The following SCARB1 variants were observed in gnomAD, a reference collection of about 807,000 sequenced individuals.
The protein encoded by SCARB1 is CD36 and LIMPII analogous 1.
Under a neutral mutation model 57.2 loss-of-function variants are expected in SCARB1, and 30 were observed. The ratio of observed to expected loss-of-function variants is 0.52; its 90% confidence interval spans 0.39 to 0.71. The LOEUF (loss-of-function observed/expected upper bound fraction) is 0.71, where lower values mean the gene tolerates loss of function less well. Among genes scored for constraint, SCARB1 ranks in the 30% least tolerant of loss-of-function variants. The pLI is 0.00. For synonymous variants in SCARB1, 249 were observed against 268.3 expected (o/e 0.93, Z 0.70); for missense variants, 543 against 671.2 (o/e 0.81, Z 2.11).
chr12:124,858,374 G>A (rs12831105), intron 1 of SCARB1, among the ~76,000 whole-genome samples: 47,490 of 151,850 alleles, frequency 0.31, 8,222 homozygotes, highest in Non-Finnish European at 0.4. Context: ...GTTCACAATC[G>A]CGGCCCTTAG....
chr12:124,815,151 G>A lies in SCARB1; in HGVS notation c.285-37C>T, dbSNP rs373504573. On this transcript the variant is annotated intron_variant, in intron 2 of 12. Coordinates refer to ENST00000261693, the MANE Select transcript of SCARB1 (RefSeq NM_005505.5). ...GCCAGTGGGTCAGACGCCCCGCCCC[G>A]CTGCATGGGACGTTTCCCTTCTACT... 45 of 1,608,106 alleles carry A rather than the reference G, an allele frequency of 2.8e-5. 1 individual carries two copies. The South Asian group carries it at 3.6e-4, about 13-fold the overall frequency.
intron 2 of SCARB1, 67 bp from the exon 3 acceptor site, chr12:124,815,181 T>A (rs1950662970): frequency 1.3e-6 from 2 of 1,569,144 alleles, no homozygotes; most frequent in South Asian, 2.2e-5. Flanking sequence ...TCTACTCGCC[T>A]GCAATGCCTG....
rs1950476045 is a variant in SCARB1, at chr12:124,810,315, C to A, written c.727-26G>T. 2 of 1,538,650 alleles carry A rather than the reference C, an allele frequency of 1.3e-6. No individual in the cohort carries two copies. The highest frequency in any genetic ancestry group is 1.8e-6 in the Non-Finnish European group (2 of 1,111,434). The stretch of plus-strand genomic sequence containing the variant: ...CTGGGGGGAAGCATCCAGACTAGAC[C>A]CCTCAGTAGGGCCAAGGCCCCTTAA... On this transcript the variant is annotated intron_variant, in intron 5 of 12. Coordinates refer to ENST00000261693, the MANE Select transcript of SCARB1 (RefSeq NM_005505.5). This position sits in a 1 kb window ranked among gnomAD's most constrained non-coding sequence, Gnocchi z 4.0.
rs576582941 is a variant in SCARB1 at position 124,852,987 on chromosome 12, C to T, written c.126+10608G>A. 5.3e-5 allele frequency among the ~76,000 whole-genome samples: 8 copies of T among 152,088 alleles called. No homozygotes were observed. The South Asian group carries it at 6.2e-4, about 12-fold the overall frequency. ...CGGGGAGGAGGAGGTTGCAGTGAGC[C>T]GAGATGGGGCCATTGCCCTCCAGCT... On this transcript the variant is annotated intron_variant, in intron 1 of 12. Transcript: ENST00000261693.
intron 1 of SCARB1, among the ~76,000 whole-genome samples, chr12:124,859,897 G>T (rs1469656583): frequency 6.6e-6 from 1 of 150,662 alleles, no homozygotes; most frequent in Admixed American, 6.6e-5. Flanking sequence ...TTTTCAATTA[G>T]TAATGTGTTT....
At chr12:124,854,182 T>C (rs575272508) in intron 1 of SCARB1, among the ~76,000 whole-genome samples, 1 of 152,244 alleles carries the variant, frequency 6.6e-6, no homozygotes, top group African/African-American at 2.4e-5. Context: ...GGAACCTGCA[T>C]GATGCACAAA....
chr12:124,834,609 C>T (rs983376761), intron 1 of SCARB1, among the ~76,000 whole-genome samples: 2 of 152,210 alleles, frequency 1.3e-5, no homozygotes, highest in African/African-American at 4.8e-5. Context: ...GGCAGTGGTT[C>T]TTGAAGTGTG....
chr12:124,814,903 G>T lies in SCARB1; in HGVS notation c.426+70C>A. 6.3e-7 allele frequency: 1 copy of T among 1,599,750 alleles called. No individual in the cohort carries two copies. The highest frequency in any genetic ancestry group is 1.1e-5 in the South Asian group (1 of 90,182). On this transcript the variant is annotated intron_variant, in intron 3 of 12. Transcript: ENST00000261693. The surrounding 1 kb of genome is among the most constrained non-coding windows in gnomAD (Gnocchi z 4.7). ...CCTCAGGGACTGCTCTCTGCACAAGGGGCAGGCGGGAGGAGAGACAGGGGA... is the reference window on the plus strand; with the variant it reads ...CCTCAGGGACTGCTCTCTGCACAAGTGGCAGGCGGGAGGAGAGACAGGGGA...
At chr12:124,795,075 C>T (rs1949896079) in intron 9 of SCARB1, 120 bp downstream of exon 9, 5 of 861,346 alleles carry the variant, frequency 5.8e-6, no homozygotes, top group Non-Finnish European at 1.0e-5. Flanking sequence ...CCCAATAGGA[C>T]CCTCTCCCCT....
intron 1 of SCARB1, chr12:124,839,119 A>G: frequency 2.4e-6 from 1 of 411,588 alleles, no homozygotes; most frequent in Non-Finnish European, 4.9e-6. Context: ...CATTAAGGAC[A>G]TTTGCAATGT....
chr12:124,857,143 G>A (rs1270515459), intron 1 of SCARB1, among the ~76,000 whole-genome samples: 3 of 152,244 alleles, frequency 2.0e-5, no homozygotes, highest in South Asian at 2.1e-4. Context: ...AGAGGCCACC[G>A]GGACCAGCTG....
At chr12:124,842,837 C>T (rs534667003) in intron 1 of SCARB1, among the ~76,000 whole-genome samples, 15 of 152,234 alleles carry the variant, frequency 9.9e-5, no homozygotes, top group African/African-American at 3.4e-4. Context: ...GCCCAGGGCT[C>T]GGATGAGGAT....
intron 9 of SCARB1, 61 bp downstream of exon 9, chr12:124,795,134 G>T: frequency 7.3e-7 from 1 of 1,373,300 alleles, no homozygotes; most frequent in South Asian, 1.2e-5. Context: ...GGGACCACTG[G>T]AGCACTGAGC....
In SCARB1 at chr12:124,776,987, G is replaced by A. The variant is rs1462603892; in HGVS notation, c.*1600C>T. On this transcript the variant is annotated 3_prime_UTR_variant, in exon 13 of 13. Transcript: ENST00000261693. ...AGAAGAAAGGAAATACAAGTTTAAG[G>A]GGAAAAGGGCTAACATTTCTGACCA... 6.6e-6 allele frequency: 1 copy of A among 151,786 alleles called. No individual in the cohort carries two copies. Among genetic ancestry groups the A allele is most frequent in the Non-Finnish European group, 1.5e-5 (1 of 67,940 alleles). 9.4% of individuals were successfully genotyped at this position (151,786 alleles called of 1,614,324 possible).
intron 12 of SCARB1, among the ~76,000 whole-genome samples, chr12:124,780,313 C>T (rs1377088145): frequency 2.0e-5 from 3 of 152,208 alleles, no homozygotes; most frequent in African/African-American, 7.2e-5. Context: ...AAGCCCCCTG[C>T]CCTACAGCAG....
intron 7 of SCARB1, among the ~76,000 whole-genome samples, chr12:124,806,349 G>A (rs1234247654): frequency 6.6e-6 from 1 of 152,136 alleles, no homozygotes; most frequent in Non-Finnish European, 1.5e-5. Context: ...GCAACTTGAG[G>A]TGGGGGTGTC....
rs905768566 is a variant in SCARB1 at position 124,807,395 on chromosome 12, A to G, written c.1009+366T>C. Among the ~76,000 whole-genome samples, 2 of 152,046 alleles carry G rather than the reference A, an allele frequency of 1.3e-5. No individual in the cohort carries two copies. The highest frequency in any genetic ancestry group is 4.8e-5 in the African/African-American group (2 of 41,394). On this transcript the variant is annotated intron_variant, in intron 7 of 12. Coordinates refer to ENST00000261693, the MANE Select transcript of SCARB1 (RefSeq NM_005505.5). The surrounding 1 kb of genome is among the most constrained non-coding windows in gnomAD (Gnocchi z 5.3). ...GGAGGAAGGGCCCGGGAGCCAAGAA[A>G]CACAGAGGGGCCTCTGGAAGCCAGA...
chr12:124,841,265 G>A (rs953953539), intron 1 of SCARB1, among the ~76,000 whole-genome samples: 11 of 152,188 alleles, frequency 7.2e-5, no homozygotes, highest in South Asian at 4.1e-4. Flanking sequence ...CCAGCTACGC[G>A]GGAGGCTGAG....
intron 1 of SCARB1, among the ~76,000 whole-genome samples, chr12:124,824,190 A>AAG (rs1555263862): frequency 0.012 from 1,859 of 149,540 alleles, 30 homozygotes; most frequent in Middle Eastern, 0.059. Flanking sequence ...AAAAAAAAAA[A>AAG]AGAGAAAGAA....
Sources: gnomAD v4.1 joint callset for allele counts (sites outside exome capture counted in the v4.1 genomes callset) on GRCh38, gnomAD v4.1.1 for gene constraint, Gnocchi (gnomAD v3.1) non-coding constraint, MANE v1.5 for transcripts, NCBI Gene and HGNC (gene_info 2026-07-23, HGNC 2026-07-21) for gene names.